Variants in KIF6 observed in about 807,000 individuals in gnomAD.
KIF6 encodes the protein kinesin family member 6.
Under a neutral mutation model 112.7 loss-of-function variants are expected in KIF6, and 106 were observed. The observed-to-expected ratio is 0.94, with a 90% CI of 0.80 to 1.11. The LOEUF is 1.11. KIF6 is among the 50% of genes least tolerant of loss of function. The probability of loss-of-function intolerance (pLI) is 0.00; values close to 1 mark genes in which losing one functional copy is unlikely to be tolerated. For synonymous variants in KIF6, 339 were observed against 339.9 expected (o/e 1.00, Z 0.03); for missense variants, 929 against 964.0 (o/e 0.96, Z 0.48).
At chr6:39,625,960 G>C (rs1784071195) in intron 5 of KIF6, among the ~76,000 whole-genome samples, 2 of 152,150 alleles carry the variant, frequency 1.3e-5, no homozygotes, top group African/African-American at 4.8e-5. Context: ...TGGTTCCAAA[G>C]AGATTTAGGG....
At chr6:39,422,707 C>T (rs569251502) in intron 14 of KIF6, among the ~76,000 whole-genome samples, 15 of 152,260 alleles carry the variant, frequency 9.9e-5, no homozygotes, top group East Asian at 3.9e-4. Context: ...AGTGCTGCCA[C>T]GTTCTTCCTG....
intron 19 of KIF6, among the ~76,000 whole-genome samples, chr6:39,357,012 G>A (rs965852669): frequency 6.6e-6 from 1 of 152,150 alleles, no homozygotes; most frequent in Non-Finnish European, 1.5e-5. Flanking sequence ...GGCAGGACCA[G>A]GGCTTGATTG....
chr6:39,647,629 A>G (rs912676219), intron 3 of KIF6, among the ~76,000 whole-genome samples: 2 of 152,116 alleles, frequency 1.3e-5, no homozygotes, highest in Non-Finnish European at 2.9e-5. Context: ...AGCACAAGGA[A>G]GCAGGGCCAA....
In KIF6 at chr6:39,356,774, G is replaced by C. The variant is rs569571410; in HGVS notation, c.2180+503C>G. Among the ~76,000 whole-genome samples, 6 of 152,276 alleles carry C rather than the reference G, an allele frequency of 3.9e-5. No individual in the cohort carries two copies. In the East Asian group the frequency reaches 7.7e-4, roughly 20 times the overall value. On this transcript the variant is annotated intron_variant, in intron 19 of 22. Transcript: ENST00000287152. ...GTTGGAAAGAGACAATAACATGGTT[G>C]TGGGGAAGTAGAGTCCCTGCTGGTC... is the stretch of plus-strand genomic sequence containing the variant.
chr6:39,722,707 A>G (rs1357073506), intron 1 of KIF6, among the ~76,000 whole-genome samples: 2 of 152,210 alleles, frequency 1.3e-5, no homozygotes, highest in African/African-American at 4.8e-5. Flanking sequence ...GAACTCTACA[A>G]TCTTTTGCGG....
intron 5 of KIF6, among the ~76,000 whole-genome samples, chr6:39,615,212 GAGAAA>G (rs1180738721): frequency 5.3e-5 from 8 of 151,724 alleles, no homozygotes; most frequent in African/African-American, 1.7e-4. Context: ...AAGAGAGAGA[GAGAAA>G]AGAAGAGAGT....
intron 15 of KIF6, among the ~76,000 whole-genome samples, chr6:39,412,713 GCA>G (rs1399993494): frequency 6.6e-6 from 1 of 152,080 alleles, no homozygotes; most frequent in Non-Finnish European, 1.5e-5. Flanking sequence ...TTAAAATTTT[GCA>G]CCACCAAGTA....
At position 39,342,648 on chromosome 6, in the gene KIF6, CTG is replaced by C. The variant is rs1322855731; in HGVS notation, c.2428+1059_2428+1060del. ...TTTTTTTTATTTTTAGACAAGGAAA[CTG>C]AGAATGAGACAAGATCACAGCAGAG... On this transcript the variant is annotated intron_variant, in intron 22 of 22. Coordinates refer to ENST00000287152, the MANE Select transcript of KIF6 (RefSeq NM_145027.6). The surrounding 1 kb of genome is among the most constrained non-coding windows in gnomAD (Gnocchi z 4.7). 7.3e-6 allele frequency among the ~76,000 whole-genome samples: 1 copy of C among 137,890 alleles called. No homozygotes were observed. The highest frequency in any genetic ancestry group is 1.5e-5 in the Non-Finnish European group (1 of 66,518). The allele number at this position is 137,890 out of a possible 152,430, so 90.5% of individuals were successfully genotyped here.
At chr6:39,338,268 T>C (rs750265740) in intron 22 of KIF6, among the ~76,000 whole-genome samples, 14 of 152,212 alleles carry the variant, frequency 9.2e-5, no homozygotes, top group Non-Finnish European at 4.4e-5. Context: ...CACAGGAACC[T>C]GGTACTGGGT....
intron 1 of KIF6, among the ~76,000 whole-genome samples, 185 bp downstream of exon 1, chr6:39,725,060 G>A (rs934920728): frequency 6.6e-6 from 1 of 152,200 alleles, no homozygotes; most frequent in East Asian, 1.9e-4. Flanking sequence ...CGGTCGCGTA[G>A]CTGACAGCAG....
chr6:39,538,242 T>C (rs1246160136), intron 13 of KIF6, among the ~76,000 whole-genome samples: 1 of 151,334 alleles, frequency 6.6e-6, no homozygotes, highest in African/African-American at 2.4e-5. Context: ...AAAGAGCTTC[T>C]GCACAGCAAA....
chr6:39,346,647 C>A, intron 19 of KIF6, 121 bp from the exon 20 acceptor site: 1 of 534,988 alleles, frequency 1.9e-6, no homozygotes, highest in Non-Finnish European at 3.3e-6. Context: ...CAGTAATTTT[C>A]TTTTTTTCTT....
At chr6:39,699,887 T>G (rs1788774362) in intron 3 of KIF6, among the ~76,000 whole-genome samples, 1 of 152,236 alleles carries the variant, frequency 6.6e-6, no homozygotes, top group African/African-American at 2.4e-5. Context: ...ATTTATTTGA[T>G]CATTGAAGTT....
At chr6:39,487,370 C>G (rs2150468713) in intron 13 of KIF6, among the ~76,000 whole-genome samples, 1 of 152,272 alleles carries the variant, frequency 6.6e-6, no homozygotes, top group South Asian at 2.1e-4. Context: ...CTGCCTCATC[C>G]AAAGTCAGAT....
chr6:39,584,830 C>A, intron 9 of KIF6, 68 bp downstream of exon 9: 2 of 957,794 alleles, frequency 2.1e-6, no homozygotes, highest in Non-Finnish European at 3.3e-6. Context: ...GCAAGTGCAC[C>A]TACAAGTTTT....
rs572432837 is a variant in KIF6, at chr6:39,567,381, T to C, written c.1181+10675A>G. Among the ~76,000 whole-genome samples the C allele has an allele frequency of 7.9e-5, 12 of 152,304 alleles. No homozygotes were observed. The South Asian group carries it at 2.3e-3, about 29-fold the overall frequency. The stretch of plus-strand genomic sequence containing the variant: ...CAGAAAAGGCATGACCATCTTAAGA[T>C]AGCTAGTCTCCTTAGACTAGGAGAG... On this transcript the variant is annotated intron_variant, in intron 10 of 22. Coordinates refer to ENST00000287152, the MANE Select transcript of KIF6 (RefSeq NM_145027.6).
At chr6:39,702,376 C>G (rs1221769196) in intron 3 of KIF6, among the ~76,000 whole-genome samples, 1 of 152,178 alleles carries the variant, frequency 6.6e-6, no homozygotes, top group Non-Finnish European at 1.5e-5. Context: ...CTGCCCTTGA[C>G]TCAGATTCCT....
At chr6:39,403,011 A>C (rs910196138) in intron 15 of KIF6, among the ~76,000 whole-genome samples, 1 of 151,886 alleles carries the variant, frequency 6.6e-6, no homozygotes, top group Non-Finnish European at 1.5e-5. Flanking sequence ...ACCCATACCC[A>C]ATTACCTAAA....
chr6:39,337,172 C>CTTCCCTCTTTCTTTCTTTCTTTCT (rs1554195076), intron 22 of KIF6, among the ~76,000 whole-genome samples: 3 of 59,504 alleles, frequency 5.0e-5, no homozygotes, highest in African/African-American at 2.7e-4. Flanking sequence ...TCTTTCCTTC[C>CTTCCCTCTTTCTTTCTTTCTTTCT]TTCTTTCTTT....
Sources: allele counts gnomAD v4.1 joint callset (sites outside exome capture counted in the v4.1 genomes callset), GRCh38; gene constraint gnomAD v4.1.1; non-coding constraint Gnocchi (gnomAD v3.1); transcripts MANE v1.5; gene names NCBI Gene and HGNC (gene_info 2026-07-23, HGNC 2026-07-21).